The following AJM1 variants were observed in gnomAD, a reference collection of about 807,000 sequenced individuals.
AJM1 encodes the protein apical junction component 1 homolog, also known as uncharacterized protein C9orf172.
AJM1 carries 22 observed loss-of-function variants against 43.0 expected under a neutral mutation model. The observed-to-expected ratio is 0.51, with a 90% CI of 0.37 to 0.73. The LOEUF is 0.73. Among genes scored for constraint, AJM1 ranks in the 30% least tolerant of loss-of-function variants. The pLI is 0.00. For synonymous variants in AJM1, 719 were observed against 638.3 expected, an observed-to-expected ratio of 1.13 and a Z score of -1.91; for missense variants, 1,305 against 1,343.3, an observed-to-expected ratio of 0.97 and a Z score of 0.45.
rs781700168 is a variant in AJM1, at chr9:136,846,679, C to G, written c.2265C>G (p.Gly755=). The G allele has an allele frequency of 1.4e-5, 22 of 1,603,002 alleles. No individual in the cohort carries two copies. Among genetic ancestry groups the G allele is most frequent in the Non-Finnish European group, 1.9e-5 (22 of 1,178,592 alleles). ...LSRGRGVLFL[G]FPSPGSADNF... ...GCGGCCGCGGCGTGCTCTTCCTGGG[C>G]TTCCCAAGTCCAGGCTCGGCCGACA... The change falls in exon 3 of 3, where the codon GGC becomes GGG. Residue 755 remains glycine, a synonymous_variant. Coordinates refer to ENST00000436881, the MANE Select transcript of AJM1 (RefSeq NM_001080482.5).
In AJM1 at chr9:136,846,308, C is replaced by T. The variant is rs1017074823; in HGVS notation, c.1894C>T (p.Pro632Ser). 8.5e-7 allele frequency: 1 copy of T among 1,178,186 alleles called. No homozygotes were observed. The highest frequency in any genetic ancestry group is 1.1e-6 in the Non-Finnish European group (1 of 935,258). 73.0% of individuals were successfully genotyped at this position (1,178,186 alleles called of 1,614,324 possible). Residue 632 changes from proline (P) to serine (S), a missense_variant, in exon 3 of 3, where the codon CCC becomes TCC. Around this residue, in one of 6 missense-constraint regions of AJM1, gnomAD observed 391 missense variants for 507.5 expected, o/e 0.77. Transcript: ENST00000436881. ...CCCCGCGCTGGCGCCGCCACGCTCG[C>T]CCCCCGCCTCGGCCGGCAGCGCCGA... ...GAPALAPPRS[P>S]PASAGSAEEP... is the part of the protein sequence containing the mutation.
In AJM1 at chr9:136,845,774, G is replaced by A. The variant is rs755402093; in HGVS notation, c.1360G>A (p.Ala454Thr). The A allele has an allele frequency of 5.7e-6, 9 of 1,575,288 alleles. No homozygotes were observed. The highest frequency in any genetic ancestry group is 1.8e-5 in the Admixed American group (1 of 56,336). ...HYSRSWDNILAPGPRREDPLG... is the reference protein window; with the variant it reads ...HYSRSWDNILTPGPRREDPLG... ...CTCGCGCTCCTGGGACAACATTCTG[G>A]CCCCGGGGCCGCGCCGAGAAGACCC... The change falls in exon 3 of 3, where the codon GCC becomes ACC. Residue 454 changes from alanine to threonine, a missense_variant. By Grantham distance (58) the Ala-to-Thr change is moderately conservative. Transcript: ENST00000436881.
Position 136,845,494 on chromosome 9 carries a change from T to A in AJM1, c.1080T>A (p.Tyr360Ter). ...ACGGCCTGCCCTACGGGCCCCGCTA[T>A]GTCCCCGAGGAGCCCCGGGCCCACT... is the stretch of plus-strand genomic sequence containing the variant. ...RAYGLPYGPR[Y>*]VPEEPRAHST... Residue 360 changes from tyrosine (Y) to a stop codon, truncating the protein, a stop_gained, in exon 3 of 3, where the codon TAT becomes TAA. Coordinates refer to ENST00000436881, the MANE Select transcript of AJM1 (RefSeq NM_001080482.5). LOFTEE classifies it high-confidence loss of function. 6.2e-7 allele frequency: 1 copy of A among 1,605,072 alleles called. No individual in the cohort carries two copies. The highest frequency in any genetic ancestry group is 8.5e-7 in the Non-Finnish European group (1 of 1,176,726).
In AJM1 at chr9:136,847,155, G is replaced by T; in HGVS notation, c.2741G>T (p.Arg914Leu). 1.3e-6 allele frequency: 2 copies of T among 1,599,938 alleles called. No individual in the cohort carries two copies. Among genetic ancestry groups the T allele is most frequent in the Non-Finnish European group, 8.5e-7 (1 of 1,178,288 alleles). ...RELRLRGVFL[R>L]HEFPRVYEQL... ...CTGCGGCTGCGCGGCGTCTTCCTGCGCCACGAGTTCCCGCGCGTCTACGAG... is the reference window on the plus strand; with the variant it reads ...CTGCGGCTGCGCGGCGTCTTCCTGCTCCACGAGTTCCCGCGCGTCTACGAG... The change falls in exon 3 of 3, where the codon CGC becomes CTC. Residue 914 changes from arginine (R) to leucine (L), a missense_variant. Physicochemically the swap from Arg to Leu is moderately radical, Grantham distance 102. This residue lies in a region of AJM1 where 116 missense variants were observed against 113.4 expected (regional missense o/e 1.02). Coordinates refer to ENST00000436881, the MANE Select transcript of AJM1 (RefSeq NM_001080482.5).
rs1848775080 is a variant in AJM1 at position 136,846,379 on chromosome 9, C to T, written c.1965C>T (p.Pro655=). 2.0e-6 allele frequency: 3 copies of T among 1,515,974 alleles called. No homozygotes were observed. The highest frequency in any genetic ancestry group is 2.4e-5 in the South Asian group (2 of 84,098). 93.9% of individuals were successfully genotyped at this position (1,515,974 alleles called of 1,614,324 possible). Residue 655 remains proline, a synonymous_variant, in exon 3 of 3, where the codon CCC becomes CCT. Coordinates refer to ENST00000436881, the MANE Select transcript of AJM1 (RefSeq NM_001080482.5). ...AGGCGGCCGACGCGTCCCCCGAACC[C>T]AGCGCCGACGAGGACGACCTGATGA... ...PGEAADASPE[P]SADEDDLMTC...
Position 136,847,916 on chromosome 9 carries a change from T to C in AJM1, c.*571T>C, listed in dbSNP as rs933598078. 5.2e-5 allele frequency: 8 copies of C among 152,404 alleles called. No individual in the cohort carries two copies. Among genetic ancestry groups the C allele is most frequent in the Admixed American group, 3.9e-4 (6 of 15,288 alleles). 9.4% of individuals were successfully genotyped at this position (152,404 alleles called of 1,614,324 possible). On this transcript the variant is annotated 3_prime_UTR_variant, in exon 3 of 3. Coordinates refer to ENST00000436881, the MANE Select transcript of AJM1 (RefSeq NM_001080482.5). ...CGCCTCCCGCGGCTGTGTTGCCTCC[T>C]CGCTGGAGAACACCCTGGTCGACCT...
Position 136,844,476 on chromosome 9 carries a change from C to A in AJM1, c.62C>A (p.Ala21Glu). 1 of 1,611,374 alleles carries A rather than the reference C, an allele frequency of 6.2e-7. No homozygotes were observed. The highest frequency in any genetic ancestry group is 2.2e-5 in the East Asian group (1 of 44,834). ...VSTVYQDIKV[A>E]TPGPASKCSP... ...ACCGTGTACCAGGACATCAAGGTGG[C>A]GACCCCGGGACCCGCGTCCAAGTGC... is the stretch of plus-strand genomic sequence containing the variant. The change falls in exon 3 of 3, where the codon GCG (alanine) becomes GAG (glutamate). Residue 21 changes from alanine to glutamate, a missense_variant. By Grantham distance (107) the Ala-to-Glu change is moderately radical (BLOSUM62 -1). Coordinates refer to ENST00000436881, the MANE Select transcript of AJM1 (RefSeq NM_001080482.5).
chr9:136,848,682 C>T lies in AJM1; in HGVS notation c.*1337C>T, dbSNP rs890658245. 11 of 152,956 alleles carry T rather than the reference C, an allele frequency of 7.2e-5. No individual in the cohort carries two copies. Among genetic ancestry groups the T allele is most frequent in the Non-Finnish European group, 1.6e-4 (11 of 68,222 alleles). 9.5% of individuals were successfully genotyped at this position (152,956 alleles called of 1,614,324 possible). On this transcript the variant is annotated 3_prime_UTR_variant, in exon 3 of 3. Transcript: ENST00000436881. Reference sequence around the variant, plus strand: ...CCACCCGCCGCCGCGCCCCGCGCCCCCTACCCCAGGGCCTCTGCATTCGGC... The same window carrying T: ...CCACCCGCCGCCGCGCCCCGCGCCCTCTACCCCAGGGCCTCTGCATTCGGC...
Position 136,847,814 on chromosome 9 carries a change from C to G in AJM1, c.*469C>G, listed in dbSNP as rs568782788. ...GTCCGCGGGGCTCTCGCTGGAGCCT[C>G]CCCGACTCCGGTTTCCCCTCGTCCA... On this transcript the variant is annotated 3_prime_UTR_variant, in exon 3 of 3. Coordinates refer to ENST00000436881, the MANE Select transcript of AJM1 (RefSeq NM_001080482.5). 6.3e-6 allele frequency: 1 copy of G among 158,012 alleles called. No individual in the cohort carries two copies. The highest frequency in any genetic ancestry group is 1.4e-5 in the Non-Finnish European group (1 of 72,202). 9.8% of individuals were successfully genotyped at this position (158,012 alleles called of 1,614,324 possible).
chr9:136,847,476 G>T lies in AJM1; in HGVS notation c.*131G>T. The T allele has an allele frequency of 1.5e-6, 1 of 655,638 alleles. No homozygotes were observed. Among genetic ancestry groups the T allele is most frequent in the Non-Finnish European group, 2.3e-6 (1 of 436,556 alleles). The allele number at this position is 655,638 out of a possible 1,614,324, so 40.6% of individuals were successfully genotyped here. A position where few individuals can be genotyped will look rare whatever the true frequency, so the allele number is the denominator to read the frequency against. Reference sequence around the variant, plus strand: ...CCCACCCCGACTTCTTCTAGGCCCCGCCTCTAATTCCCCAGCCTTCCAAGC... The same window carrying T: ...CCCACCCCGACTTCTTCTAGGCCCCTCCTCTAATTCCCCAGCCTTCCAAGC... On this transcript the variant is annotated 3_prime_UTR_variant, in exon 3 of 3. Transcript: ENST00000436881.
At position 136,845,554 on chromosome 9, in the gene AJM1, A is replaced by T; in HGVS notation, c.1140A>T (p.Gly380=). The T allele has an allele frequency of 6.3e-7, 1 of 1,594,070 alleles. No homozygotes were observed. Among genetic ancestry groups the T allele is most frequent in the South Asian group, 1.1e-5 (1 of 88,868 alleles). Residue 380 remains glycine, a synonymous_variant, in exon 3 of 3, where the codon GGA becomes GGT. Coordinates refer to ENST00000436881, the MANE Select transcript of AJM1 (RefSeq NM_001080482.5). The stretch of plus-strand genomic sequence containing the variant: ...GCCCCTTTTACACGGAGGACTTCGG[A>T]AGGTACCGCGAGCGTGACGTCCTGG... ...TARPFYTEDF[G]RYRERDVLAR... is the part of the protein sequence containing the mutation.
rs753428648 is a variant in AJM1 at position 136,847,233 on chromosome 9, A to AC, written c.2823dup (p.Thr942HisfsTer44). ...AGGCGCTTCACGCCCACCACCATCTACCCCACGGACCGGCGCACCGGCCGC... is the reference window on the plus strand; with the variant it reads ...AGGCGCTTCACGCCCACCACCATCTACCCCCACGGACCGGCGCACCGGCCGC... On this transcript the variant is annotated frameshift_variant, in exon 3 of 3. Transcript: ENST00000436881. LOFTEE classifies it high-confidence loss of function. The AC allele has an allele frequency of 6.2e-7, 1 of 1,601,344 alleles. No individual in the cohort carries two copies. The highest frequency in any genetic ancestry group is 1.7e-5 in the Admixed American group (1 of 59,696).
Position 136,846,593 on chromosome 9 carries a change from C to T in AJM1, c.2179C>T (p.Arg727Cys). 1 of 1,591,336 alleles carries T rather than the reference C, an allele frequency of 6.3e-7. No individual in the cohort carries two copies. Among genetic ancestry groups the T allele is most frequent in the Non-Finnish European group, 8.5e-7 (1 of 1,175,044 alleles). Residue 727 changes from arginine to cysteine, a missense_variant, in exon 3 of 3, where the codon CGC (arginine) becomes TGC (cysteine). Arg to Cys is a radical substitution (Grantham distance 180). Transcript: ENST00000436881. ...GTGCCGCCACGTACTGCAGTTTTGC[C>T]GCGACAGCGGCCCGGTGCACCGCGC... is the stretch of plus-strand genomic sequence containing the variant. ...SVCRHVLQFC[R>C]DSGPVHRAFS...
rs1471425775 is a variant in AJM1, at chr9:136,845,028, G to A, written c.614G>A (p.Arg205Gln). 6 of 708,136 alleles carry A rather than the reference G, an allele frequency of 8.5e-6. No homozygotes were observed. The highest frequency in any genetic ancestry group is 3.1e-5 in the East Asian group (1 of 31,908). 43.9% of individuals were successfully genotyped at this position (708,136 alleles called of 1,614,324 possible). The change falls in exon 3 of 3, where the codon CGG (arginine) becomes CAG (glutamine). Residue 205 changes from arginine (R) to glutamine (Q), a missense_variant. Around this residue, in one of 6 missense-constraint regions of AJM1, gnomAD observed 653 missense variants for 549.1 expected, o/e 1.19. Coordinates refer to ENST00000436881, the MANE Select transcript of AJM1 (RefSeq NM_001080482.5). ...AVLQHATRGSRSCGPTEAAHW... is the reference protein window; with the variant it reads ...AVLQHATRGSQSCGPTEAAHW... ...CTCCAGCACGCCACCCGGGGCTCGCGGTCCTGCGGGCCCACCGAGGCCGCG... is the reference window on the plus strand; with the variant it reads ...CTCCAGCACGCCACCCGGGGCTCGCAGTCCTGCGGGCCCACCGAGGCCGCG...
Position 136,847,169 on chromosome 9 carries a change from C to T in AJM1, c.2755C>T (p.Arg919Cys). The change falls in exon 3 of 3, where the codon CGC becomes TGC. Residue 919 changes from arginine to cysteine, a missense_variant. Transcript: ENST00000436881. ...RGVFLRHEFP[R>C]VYEQLCEFVE... Reference sequence around the variant, plus strand: ...CGTCTTCCTGCGCCACGAGTTCCCGCGCGTCTACGAGCAGCTTTGCGAGTT... The same window carrying T: ...CGTCTTCCTGCGCCACGAGTTCCCGTGCGTCTACGAGCAGCTTTGCGAGTT... 1.9e-6 allele frequency: 3 copies of T among 1,602,872 alleles called. No homozygotes were observed. Among genetic ancestry groups the T allele is most frequent in the Non-Finnish European group, 2.5e-6 (3 of 1,178,714 alleles).
chr9:136,846,363 A>G lies in AJM1; in HGVS notation c.1949A>G (p.Asp650Gly). 3 of 1,435,394 alleles carry G rather than the reference A, an allele frequency of 2.1e-6. No individual in the cohort carries two copies. The highest frequency in any genetic ancestry group is 2.7e-5 in the South Asian group (2 of 73,280). 88.9% of individuals were successfully genotyped at this position (1,435,394 alleles called of 1,614,324 possible). ...CCCGCGGCCCCGGGAGAGGCGGCCG[A>G]CGCGTCCCCCGAACCCAGCGCCGAC... ...EEPAAPGEAA[D>G]ASPEPSADED... The change falls in exon 3 of 3, where the codon GAC (aspartate) becomes GGC (glycine). Residue 650 changes from aspartate (D) to glycine (G), a missense_variant. Transcript: ENST00000436881.
Position 136,844,574 on chromosome 9 carries a change from G to C in AJM1, c.160G>C (p.Asp54His), listed in dbSNP as rs759431734. Reference protein sequence around the residue: ...PFNKRHCRSFDFLEALDGPAM... With the variant: ...PFNKRHCRSFHFLEALDGPAM... ...CAACAAGCGCCACTGCCGCAGCTTC[G>C]ACTTCCTGGAGGCGCTGGACGGGCC... The change falls in exon 3 of 3, where the codon GAC (aspartate) becomes CAC (histidine). Residue 54 changes from aspartate to histidine, a missense_variant. Asp to His is a moderately conservative substitution (Grantham distance 81). Coordinates refer to ENST00000436881, the MANE Select transcript of AJM1 (RefSeq NM_001080482.5). 11 of 1,598,188 alleles carry C rather than the reference G, an allele frequency of 6.9e-6. No individual in the cohort carries two copies. In the African/African-American group the frequency reaches 9.4e-5, roughly 14 times the overall value.
At position 136,845,879 on chromosome 9, in the gene AJM1, C is replaced by G. The variant is rs780950397; in HGVS notation, c.1465C>G (p.Arg489Gly). 2 of 1,558,408 alleles carry G rather than the reference C, an allele frequency of 1.3e-6. No individual in the cohort carries two copies. The highest frequency in any genetic ancestry group is 1.7e-6 in the Non-Finnish European group (2 of 1,153,024). Reference protein sequence around the residue: ...EPRGVSPEGRRPPVVVNLSTS... With the variant: ...EPRGVSPEGRGPPVVVNLSTS... ...GCGAGGCGTGTCCCCCGAAGGCCGG[C>G]GCCCGCCCGTCGTCGTGAACCTGTC... is the stretch of plus-strand genomic sequence containing the variant. Residue 489 changes from arginine to glycine, a missense_variant, in exon 3 of 3, where the codon CGC (arginine) becomes GGC (glycine). Physicochemically the swap from Arg to Gly is moderately radical, Grantham distance 125. Transcript: ENST00000436881.
Position 136,847,199 on chromosome 9 carries a change from G to T in AJM1, c.2785G>T (p.Glu929Ter), listed in dbSNP as rs777526568. The T allele has an allele frequency of 1.2e-6, 2 of 1,605,640 alleles. No individual in the cohort carries two copies. The highest frequency in any genetic ancestry group is 1.7e-6 in the Non-Finnish European group (2 of 1,178,894). Residue 929 changes from glutamate (E) to a stop codon, truncating the protein, a stop_gained, in exon 3 of 3, where the codon GAG becomes TAG. Coordinates refer to ENST00000436881, the MANE Select transcript of AJM1 (RefSeq NM_001080482.5). LOFTEE classifies it high-confidence loss of function. The stretch of plus-strand genomic sequence containing the variant: ...CTACGAGCAGCTTTGCGAGTTCGTC[G>T]AGGCCAACAGGCGCTTCACGCCCAC... The part of the protein sequence containing the change: ...RVYEQLCEFV[E>*]ANRRFTPTTI...
Sources: gnomAD v4.1 joint callset for allele counts on GRCh38, gnomAD v4.1.1 for gene constraint, gnomAD v4.1.1 regional missense constraint, MANE v1.5 for transcripts, NCBI Gene and HGNC (gene_info 2026-07-23, HGNC 2026-07-21) for gene names.